GLIS3: variants seen among roughly 807,000 people sequenced by gnomAD.
GLIS3 encodes zinc finger protein GLIS3.
GLIS3 carries 53 observed loss-of-function variants against 78.6 expected under a neutral mutation model. The ratio of observed to expected loss-of-function variants is 0.67; its 90% confidence interval spans 0.54 to 0.85. GLIS3 has a LOEUF of 0.85. Among genes scored for constraint, GLIS3 ranks in the 40% least tolerant of loss-of-function variants. The pLI, the probability that GLIS3 is intolerant of heterozygous loss-of-function variation, is 0.00. For synonymous variants in GLIS3, 684 were observed against 509.9 expected, an observed-to-expected ratio of 1.34 and a Z score of -4.60; for missense variants, 1,703 against 1,231.1, an observed-to-expected ratio of 1.38 and a Z score of -5.74.
chr9:4,195,417 A>C (rs1469924823), intron 2 of GLIS3, among the ~76,000 whole-genome samples: 1 of 152,172 alleles, frequency 6.6e-6, no homozygotes, highest in Non-Finnish European at 1.5e-5. Context: ...CACCGGCCCC[A>C]GACAGTGAGG....
At chr9:4,216,088 TA>T (rs200504994) in intron 2 of GLIS3, among the ~76,000 whole-genome samples, 11 of 149,830 alleles carry the variant, frequency 7.3e-5, no homozygotes, top group East Asian at 5.8e-4. Flanking sequence ...GAAGATTGTT[TA>T]AAAAAAAAAC....
intron 2 of GLIS3, among the ~76,000 whole-genome samples, chr9:4,198,701 A>G (rs1324381705): frequency 6.6e-6 from 1 of 152,224 alleles, no homozygotes; most frequent in Non-Finnish European, 1.5e-5. Context: ...TAGATACAAG[A>G]AATCCAGAGA....
chr9:4,099,271 CAA>C (rs1294419660), intron 4 of GLIS3, among the ~76,000 whole-genome samples: 1 of 152,154 alleles, frequency 6.6e-6, no homozygotes, highest in Non-Finnish European at 1.5e-5. Flanking sequence ...TCTGGAGGCT[CAA>C]AGTCTGAAAT....
the GLIS3 span, among the ~76,000 whole-genome samples, chr9:4,457,430 G>A: frequency 2.6e-5 from 4 of 151,976 alleles, no homozygotes; most frequent in Non-Finnish European, 4.4e-5. Flanking sequence ...CCTCTGGAAG[G>A]AGGAAAAGAG....
chr9:3,926,926 C>T (rs1447138095), intron 6 of GLIS3, among the ~76,000 whole-genome samples: 1 of 152,186 alleles, frequency 6.6e-6, no homozygotes, highest in African/African-American at 2.4e-5. Context: ...GGCCTGGCCT[C>T]ATTTCTAAAT....
chr9:4,137,807 G>A (rs1020944798), intron 2 of GLIS3, among the ~76,000 whole-genome samples: 2 of 152,160 alleles, frequency 1.3e-5, no homozygotes, highest in South Asian at 4.1e-4. Flanking sequence ...GAGACTCTTA[G>A]TATAGCAAGA....
chr9:4,454,002 TAAAAG>T, the GLIS3 span, among the ~76,000 whole-genome samples: 1 of 151,106 alleles, frequency 6.6e-6, no homozygotes, highest in African/African-American at 2.5e-5. Context: ...ATAATAAAAA[TAAAAG>T]AAAATAAATT....
At chr9:4,343,194 TAGTC>T (rs1817858971) in intron 2 of GLIS3, among the ~76,000 whole-genome samples, 2 of 151,952 alleles carry the variant, frequency 1.3e-5, no homozygotes, top group Admixed American at 6.6e-5. Context: ...ATTAAAAAAT[TAGTC>T]AGGCACGGTG....
intron 4 of GLIS3, among the ~76,000 whole-genome samples, chr9:4,050,247 C>A (rs1474844313): frequency 6.6e-6 from 1 of 152,170 alleles, no homozygotes; most frequent in Non-Finnish European, 1.5e-5. Context: ...CACATATACC[C>A]CATGGAATAC....
intron 4 of GLIS3, among the ~76,000 whole-genome samples, chr9:3,973,021 T>G (rs1352964216): frequency 6.6e-6 from 1 of 152,124 alleles, no homozygotes; most frequent in Non-Finnish European, 1.5e-5. Flanking sequence ...TCAAAACACC[T>G]TCAGGTGCAA....
intron 1 of GLIS3, among the ~76,000 whole-genome samples, chr9:4,347,817 G>A (rs944139452): frequency 1.1e-4 from 17 of 152,058 alleles, no homozygotes; most frequent in Admixed American, 1.0e-3. Context: ...TACCTGACAG[G>A]CTTGAACACA....
At chr9:3,860,272 C>CAAAAAAAAAAAAAAAAAAAA (rs59923144) in intron 8 of GLIS3, among the ~76,000 whole-genome samples, 5 of 53,606 alleles carry the variant, frequency 9.3e-5, no homozygotes, top group Admixed American at 2.9e-4. Flanking sequence ...AAGACTCTGT[C>CAAAAAAAAAAAAAAAAAAAA]AAAAAAAAAA....
intron 2 of GLIS3, among the ~76,000 whole-genome samples, chr9:4,321,216 C>G (rs963326676): frequency 9.7e-5 from 14 of 145,066 alleles, no homozygotes; most frequent in Non-Finnish European, 7.5e-5. Context: ...GTCAGGAGAT[C>G]GAGACCATCC....
At chr9:4,153,447 C>G (rs899833723) in intron 2 of GLIS3, among the ~76,000 whole-genome samples, 1 of 152,036 alleles carries the variant, frequency 6.6e-6, no homozygotes, top group African/African-American at 2.4e-5. Context: ...TCCTGTAATA[C>G]CAGCTACTTA....
upstream of GLIS3, among the ~76,000 whole-genome samples, chr9:4,350,171 C>T (rs540736559): frequency 2.6e-4 from 40 of 152,298 alleles, no homozygotes; most frequent in Admixed American, 1.0e-3. Context: ...TATCACAAGG[C>T]CCAGTGGCGA....
At chr9:4,413,033 G>C in the GLIS3 span, among the ~76,000 whole-genome samples, 1 of 152,194 alleles carries the variant, frequency 6.6e-6, no homozygotes, top group African/African-American at 2.4e-5. Flanking sequence ...AGGCTACTGA[G>C]ATTTAGAGTT....
intron 2 of GLIS3, among the ~76,000 whole-genome samples, chr9:4,332,563 C>G (rs1260597919): frequency 6.6e-6 from 1 of 152,220 alleles, no homozygotes; most frequent in Admixed American, 6.5e-5. Flanking sequence ...GATGGAAGCT[C>G]CACATTGAAG....
At chr9:4,288,109 C>T (rs374679261) in intron 1 of GLIS3, among the ~76,000 whole-genome samples, 1 of 152,156 alleles carries the variant, frequency 6.6e-6, no homozygotes, top group Non-Finnish European at 1.5e-5. Context: ...TGGTAAAATT[C>T]CAATGCTTTT....
intron 4 of GLIS3, among the ~76,000 whole-genome samples, chr9:3,996,780 G>T (rs1820778481): frequency 6.6e-6 from 1 of 152,046 alleles, no homozygotes; most frequent in Non-Finnish European, 1.5e-5. Flanking sequence ...TTAACAAATT[G>T]CTGCCTAGGC....
Sources: allele counts gnomAD v4.1 joint callset (sites outside exome capture counted in the v4.1 genomes callset), GRCh38; gene constraint gnomAD v4.1.1; transcripts MANE v1.5; gene names NCBI Gene and HGNC (gene_info 2026-07-23, HGNC 2026-07-21).